ASPRV1: variants seen among roughly 807,000 people sequenced by gnomAD.
ASPRV1 encodes the protein retroviral-like aspartic protease 1.
Under a neutral mutation model 11.0 loss-of-function variants are expected in ASPRV1, and 7 were observed. That is an observed-to-expected ratio of 0.64 (90% CI 0.36 to 1.20). The LOEUF is 1.20. Ranked by LOEUF, ASPRV1 falls within the 50% of genes most tolerant of loss-of-function variation. ASPRV1 has a pLI of 0.02. For synonymous variants in ASPRV1, 136 were observed against 138.4 expected (o/e 0.98, Z 0.12); for missense variants, 299 against 320.0 (o/e 0.93, Z 0.50).
At chr2:70,006,372 T>TGAGGAGGCA in the ASPRV1 span, among the ~76,000 whole-genome samples, 1 of 152,008 alleles carries the variant, frequency 6.6e-6, no homozygotes. Flanking sequence ...GAGCTGCAAA[T>TGAGGAGGCA]GAGGAGGCAA....
the ASPRV1 span, among the ~76,000 whole-genome samples, chr2:70,017,799 T>C: frequency 2.0e-5 from 3 of 152,180 alleles, no homozygotes; most frequent in South Asian, 4.1e-4. Flanking sequence ...CAACGAACTA[T>C]CAAAAAAATG....
chr2:70,073,515 T>C, the ASPRV1 span, among the ~76,000 whole-genome samples: 1 of 152,182 alleles, frequency 6.6e-6, no homozygotes, highest in Admixed American at 6.5e-5. Context: ...TGATACTTCA[T>C]TTAATCTTTA....
the ASPRV1 span, among the ~76,000 whole-genome samples, chr2:69,979,790 C>T: frequency 6.6e-6 from 1 of 152,290 alleles, no homozygotes; most frequent in African/African-American, 2.4e-5. Context: ...ATTTCAGGAG[C>T]GTTTCCTGCC....
At chr2:70,045,066 T>C in the ASPRV1 span, among the ~76,000 whole-genome samples, 3 of 152,320 alleles carry the variant, frequency 2.0e-5, no homozygotes, top group South Asian at 4.1e-4. Flanking sequence ...TCTCTATATA[T>C]AGAATCTAGT....
the ASPRV1 span, among the ~76,000 whole-genome samples, chr2:70,066,521 G>A: frequency 1.1e-4 from 17 of 152,204 alleles, no homozygotes; most frequent in Non-Finnish European, 2.2e-4. Context: ...GGGATTATAG[G>A]CATGAGCCAC....
the ASPRV1 span, among the ~76,000 whole-genome samples, chr2:70,054,949 G>A: frequency 0.23 from 34,622 of 151,976 alleles, 6,971 homozygotes; most frequent in African/African-American, 0.51. Context: ...ATATATATAC[G>A]TACAATGTTT....
chr2:70,067,295 T>C, the ASPRV1 span, among the ~76,000 whole-genome samples: 1 of 152,162 alleles, frequency 6.6e-6, no homozygotes, highest in African/African-American at 2.4e-5. Flanking sequence ...GTCTATAATG[T>C]ATATGATTGG....
the ASPRV1 span, among the ~76,000 whole-genome samples, chr2:69,998,995 G>A: frequency 5.0e-4 from 76 of 152,338 alleles, no homozygotes; most frequent in African/African-American, 1.7e-3. Flanking sequence ...ACTGTCTCTG[G>A]GCCAGGGACT....
chr2:69,937,104 G>C, the ASPRV1 span: 2 of 1,195,088 alleles, frequency 1.7e-6, no homozygotes, highest in Middle Eastern at 1.9e-4. Flanking sequence ...TCAGGGAGAA[G>C]CTTGATGAGT....
At chr2:70,019,759 C>T in the ASPRV1 span, among the ~76,000 whole-genome samples, 3 of 151,878 alleles carry the variant, frequency 2.0e-5, no homozygotes, top group Non-Finnish European at 2.9e-5. Context: ...CAGAGGGTGG[C>T]GGGTGGGGAG....
chr2:70,078,707 G>C, the ASPRV1 span, among the ~76,000 whole-genome samples: 1 of 152,174 alleles, frequency 6.6e-6, no homozygotes, highest in African/African-American at 2.4e-5. Context: ...GGAGAGAGTG[G>C]TGTGAATCCT....
the ASPRV1 span, among the ~76,000 whole-genome samples, chr2:70,059,059 T>G: frequency 6.6e-6 from 1 of 150,970 alleles, no homozygotes; most frequent in Non-Finnish European, 1.5e-5. Flanking sequence ...GGCTAATTTT[T>G]TGTATTTTTT....
chr2:70,013,516 A>G, the ASPRV1 span, among the ~76,000 whole-genome samples: 1 of 152,224 alleles, frequency 6.6e-6, no homozygotes, highest in African/African-American at 2.4e-5. Flanking sequence ...GCCAAACATT[A>G]AAGAGAGTTG....
the ASPRV1 span, among the ~76,000 whole-genome samples, chr2:70,022,614 TAGG>T: frequency 6.6e-5 from 10 of 151,850 alleles, no homozygotes; most frequent in Non-Finnish European, 1.5e-4. Context: ...CATTTGAGCC[TAGG>T]AGGTCAAGGC....
the ASPRV1 span, among the ~76,000 whole-genome samples, chr2:69,977,858 C>T: frequency 1.3e-5 from 2 of 152,156 alleles, no homozygotes; most frequent in South Asian, 2.1e-4. Context: ...AAGGAGGTGA[C>T]AAAGTAGCCA....
rs533991067 is a variant in ASPRV1, at chr2:69,960,603, C to G, written c.*54G>C. 12 of 1,531,694 alleles carry G rather than the reference C, an allele frequency of 7.8e-6. No individual in the cohort carries two copies. Among genetic ancestry groups the G allele is most frequent in the Non-Finnish European group, 8.8e-6 (10 of 1,135,646 alleles). The allele number at this position is 1,531,694 out of a possible 1,614,324, so 94.9% of individuals were successfully genotyped here. ...CCCCATGAGGATATGCAACCCCCCC[C>G]ACAGCGGTGGGTCTTCCCACCAATA... On this transcript the variant is annotated 3_prime_UTR_variant, in exon 1 of 1. Coordinates refer to ENST00000320256, the MANE Select transcript of ASPRV1 (RefSeq NM_152792.4).
chr2:69,970,894 C>CA, the ASPRV1 span: 1 of 152,238 alleles, frequency 6.6e-6, no homozygotes, highest in African/African-American at 2.4e-5. Flanking sequence ...TGGCCGGGCA[C>CA]AGTGGCTCAT....
the ASPRV1 span, chr2:70,049,194 C>T: frequency 1.9e-5 from 2 of 105,192 alleles, no homozygotes; most frequent in Non-Finnish European, 3.6e-5. Flanking sequence ...CCCCCTCCCC[C>T]CTCCCTCAAG....
chr2:70,023,223 G>A, the ASPRV1 span, among the ~76,000 whole-genome samples: 3 of 152,158 alleles, frequency 2.0e-5, no homozygotes, highest in Non-Finnish European at 4.4e-5. Flanking sequence ...TGGGGGCGAG[G>A]GCCTGAGCAG....
Sources: allele counts gnomAD v4.1 joint callset (sites outside exome capture counted in the v4.1 genomes callset), GRCh38; gene constraint gnomAD v4.1.1; transcripts MANE v1.5; gene names NCBI Gene and HGNC (gene_info 2026-07-23, HGNC 2026-07-21).